ADGRV1: variants seen among roughly 807,000 people sequenced by gnomAD.
The protein encoded by ADGRV1 is adhesion G protein-coupled receptor V1.
ADGRV1 carries 359 observed loss-of-function variants against 596.2 expected under a neutral mutation model. That is an observed-to-expected ratio of 0.60 (90% CI 0.55 to 0.66). The LOEUF is 0.66. Among genes scored for constraint, ADGRV1 ranks in the 30% least tolerant of loss-of-function variants. The pLI, the probability that ADGRV1 is intolerant of heterozygous loss-of-function variation, is 0.00. For missense variants in ADGRV1, 7,274 were observed against 7,575.6 expected, an observed-to-expected ratio of 0.96 and a Z score of 1.48; for synonymous variants, 2,681 against 2,679.2, an observed-to-expected ratio of 1.00 and a Z score of -0.02.
chr5:90,629,676 T>C (rs1765244667), intron 9 of ADGRV1, 137 bp downstream of exon 9: 1 of 639,416 alleles, frequency 1.6e-6, no homozygotes, highest in African/African-American at 1.8e-5. Context: ...GTTGTTTAGG[T>C]AGTCGGAAGA....
intron 85 of ADGRV1, among the ~76,000 whole-genome samples, chr5:90,989,968 C>T (rs1283240046): frequency 6.6e-6 from 1 of 152,090 alleles, no homozygotes; most frequent in African/African-American, 2.4e-5. Flanking sequence ...AGGCATATGC[C>T]ACCACACCTG....
At chr5:91,163,025 A>G (rs912600527) in intron 89 of ADGRV1, among the ~76,000 whole-genome samples, 2 of 152,196 alleles carry the variant, frequency 1.3e-5, no homozygotes, top group Non-Finnish European at 2.9e-5. Flanking sequence ...CGTTATTACA[A>G]AAGAAAAGAA....
chr5:91,148,871 C>T (rs1417104309), intron 87 of ADGRV1, among the ~76,000 whole-genome samples: 2 of 152,200 alleles, frequency 1.3e-5, no homozygotes, highest in African/African-American at 2.4e-5. Flanking sequence ...CTTGCATCAG[C>T]GTGAACCTGG....
intron 74 of ADGRV1, among the ~76,000 whole-genome samples, chr5:90,813,782 A>G (rs1006587560): frequency 1.6e-4 from 25 of 152,184 alleles, no homozygotes; most frequent in Non-Finnish European, 3.2e-4. Context: ...ACTTAACCGG[A>G]TAATTAATTT....
At chr5:90,804,367 A>C (rs1188264007) in intron 71 of ADGRV1, among the ~76,000 whole-genome samples, 1 of 151,890 alleles carries the variant, frequency 6.6e-6, no homozygotes, top group Admixed American at 6.6e-5. Context: ...GTACCATTGC[A>C]CTCCAGCCTG....
chr5:90,668,617 G>A (rs577610811), intron 21 of ADGRV1, among the ~76,000 whole-genome samples: 1 of 152,066 alleles, frequency 6.6e-6, no homozygotes, highest in South Asian at 2.1e-4. Context: ...GTTCCTATTC[G>A]TCCATCTTGG....
chr5:90,720,921 T>C lies in ADGRV1; in HGVS notation c.9624-14T>C, dbSNP rs760232328. The C allele has an allele frequency of 3.1e-6, 5 of 1,598,698 alleles. No homozygotes were observed. The East Asian group carries it at 9.0e-5, about 29-fold the overall frequency. ...TACTTTTTCTGCTTCCCTCAATCCA[T>C]GTATTTCTTTCAGAGCCACCTCCAT... On this transcript the variant is annotated splice_polypyrimidine_tract_variant and intron_variant, in intron 44 of 89. Transcript: ENST00000405460.
At chr5:90,877,801 A>T (rs1033084861) in intron 83 of ADGRV1, among the ~76,000 whole-genome samples, 11 of 151,958 alleles carry the variant, frequency 7.2e-5, no homozygotes, top group Non-Finnish European at 1.6e-4. Flanking sequence ...CACAAGACAT[A>T]AATCAATACA....
At chr5:90,670,195 A>G (rs531368770) in intron 21 of ADGRV1, among the ~76,000 whole-genome samples, 1 of 152,310 alleles carries the variant, frequency 6.6e-6, no homozygotes, top group Non-Finnish European at 1.5e-5. Flanking sequence ...ATTCTTACCC[A>G]AAACCTGTGA....
chr5:91,150,749 G>T (rs1004755105), intron 88 of ADGRV1, among the ~76,000 whole-genome samples: 5 of 152,150 alleles, frequency 3.3e-5, no homozygotes, highest in African/African-American at 9.7e-5. Flanking sequence ...GCTCAGAAGA[G>T]TGCTTCTGCA....
At position 90,708,618 on chromosome 5, in the gene ADGRV1, A is replaced by G. The variant is rs530059907; in HGVS notation, c.8731-198A>G. Among the ~76,000 whole-genome samples the G allele has an allele frequency of 5.8e-4, 89 of 152,142 alleles. 1 individual carries two copies. The South Asian group carries it at 0.018, about 30-fold the overall frequency. ...TATTTAAGTGGTTTCATGTGGGTCA[A>G]CCTAATTACTTCCTATACAACCAAG... On this transcript the variant is annotated intron_variant, in intron 38 of 89. Coordinates refer to ENST00000405460, the MANE Select transcript of ADGRV1 (RefSeq NM_032119.4).
chr5:91,062,756 C>T (rs879372723), intron 85 of ADGRV1, among the ~76,000 whole-genome samples: 14 of 152,034 alleles, frequency 9.2e-5, no homozygotes, highest in Non-Finnish European at 1.8e-4. Context: ...TTTTCTATCC[C>T]TTTTGCTTTC....
At chr5:90,960,736 A>G (rs1307132182) in intron 83 of ADGRV1, among the ~76,000 whole-genome samples, 2 of 152,134 alleles carry the variant, frequency 1.3e-5, no homozygotes, top group Non-Finnish European at 2.9e-5. Context: ...ACATGAGTTC[A>G]ACCTGGGAAG....
intron 83 of ADGRV1, chr5:90,929,313 G>A (rs1237513002): frequency 6.5e-6 from 1 of 153,148 alleles, no homozygotes; most frequent in Non-Finnish European, 1.5e-5. Context: ...CTCCGAGCCA[G>A]GTGCGGGATA....
At chr5:90,942,572 A>T (rs1052005826) in intron 83 of ADGRV1, among the ~76,000 whole-genome samples, 6 of 151,970 alleles carry the variant, frequency 3.9e-5, no homozygotes, top group Admixed American at 3.3e-4. Context: ...GGGATTAAAA[A>T]CCCAAATGCC....
Position 90,724,970 on chromosome 5 carries a change from G to C in ADGRV1, c.9887G>C (p.Gly3296Ala). The change falls in exon 46 of 90, where the codon GGG (glycine) becomes GCG (alanine). Residue 3296 changes from glycine to alanine, a missense_variant. Around this residue, in one of 5 missense-constraint regions of ADGRV1, gnomAD observed 3,643 missense variants for 3,809.2 expected, o/e 0.96. Coordinates refer to ENST00000405460, the MANE Select transcript of ADGRV1 (RefSeq NM_032119.4). ...KSSVTVYRWQ[G>A]IFIPVEDLNI... ...TCTGTTACTGTTTACCGATGGCAGG[G>C]GATTTTTATTCCAGTTGAGGTAAAC... The C allele has an allele frequency of 6.3e-7, 1 of 1,599,720 alleles. No individual in the cohort carries two copies. Among genetic ancestry groups the C allele is most frequent in the Non-Finnish European group, 8.5e-7 (1 of 1,174,992 alleles).
At chr5:90,763,274 T>G (rs1001020209) in intron 58 of ADGRV1, 31 bp from the exon 59 acceptor site, 7 of 1,447,134 alleles carry the variant, frequency 4.8e-6, no homozygotes, top group African/African-American at 1.4e-5. Context: ...TTTTTTTTTT[T>G]GTTTGGCCTT....
rs1768039275 is a variant in ADGRV1 at position 90,865,835 on chromosome 5, C to A, written c.17856+1978C>A. 2.0e-5 allele frequency among the ~76,000 whole-genome samples: 3 copies of A among 152,096 alleles called. No individual in the cohort carries two copies. The South Asian group carries it at 6.2e-4, about 32-fold the overall frequency. Reference sequence around the variant, plus strand: ...CTGACTACAGTAAGTTGGGCTCCCACCCTATCTAAATTTTAAAGTCATGTT... The same window carrying A: ...CTGACTACAGTAAGTTGGGCTCCCAACCTATCTAAATTTTAAAGTCATGTT... On this transcript the variant is annotated intron_variant, in intron 83 of 89. Coordinates refer to ENST00000405460, the MANE Select transcript of ADGRV1 (RefSeq NM_032119.4).
chr5:90,809,539 C>T (rs1426358525), intron 73 of ADGRV1, among the ~76,000 whole-genome samples: 1 of 152,068 alleles, frequency 6.6e-6, no homozygotes, highest in Non-Finnish European at 1.5e-5. Context: ...GGCTGCTTGA[C>T]AAGAGAGAGT....
Sources: allele counts gnomAD v4.1 joint callset (sites outside exome capture counted in the v4.1 genomes callset), GRCh38; gene constraint gnomAD v4.1.1; regional missense constraint gnomAD v4.1.1; transcripts MANE v1.5; gene names NCBI Gene and HGNC (gene_info 2026-07-23, HGNC 2026-07-21).